Variants in KLHL5 observed in about 807,000 individuals in gnomAD.
KLHL5 encodes kelch-like protein 5.
A neutral mutation model predicts 77.7 loss-of-function variants in KLHL5; 48 were observed. That is an observed-to-expected ratio of 0.62 (90% confidence interval 0.49 to 0.79). The LOEUF is 0.79. Ranked by LOEUF, KLHL5 falls within the 30% of genes least tolerant of loss-of-function variation. The pLI is 0.00. For missense variants in KLHL5, 723 were observed against 859.7 expected (o/e 0.84, Z 1.99); for synonymous variants, 260 against 297.0 (o/e 0.88, Z 1.28).
At chr4:39,118,326 T>A (rs1388732400) in intron 10 of KLHL5, among the ~76,000 whole-genome samples, 1 of 134,390 alleles carries the variant, frequency 7.4e-6, no homozygotes. Context: ...GAGTTAGAAT[T>A]AGAGCCAAGG....
downstream of KLHL5, among the ~76,000 whole-genome samples, chr4:39,131,020 T>TTC (rs1398000293): frequency 1.5e-3 from 216 of 146,400 alleles, no homozygotes; most frequent in African/African-American, 5.2e-3. Flanking sequence ...TTTTTGTATT[T>TTC]TTTTTTTTTT....
chr4:39,123,082 A>G lies in KLHL5; in HGVS notation c.*2016A>G, dbSNP rs1560447191. Among the ~76,000 whole-genome samples the G allele has an allele frequency of 6.6e-6, 1 of 152,218 alleles. No homozygotes were observed. Among genetic ancestry groups the G allele is most frequent in the Non-Finnish European group, 1.5e-5 (1 of 68,046 alleles). The stretch of plus-strand genomic sequence containing the variant: ...ATGGTATTTTAGGCAACTTAACTAT[A>G]AACAAATTTATTCATAGAAGCATTG... On this transcript the variant is annotated 3_prime_UTR_variant, in exon 11 of 11. Transcript: ENST00000504108.
At chr4:39,130,555 C>G (rs1482230530), downstream of KLHL5, among the ~76,000 whole-genome samples, 1 of 152,090 alleles carries the variant, frequency 6.6e-6, no homozygotes, top group Non-Finnish European at 1.5e-5. Context: ...CCCAACAACT[C>G]AAAGAATTTT....
At chr4:39,061,099 G>A (rs1389855676), upstream of KLHL5, among the ~76,000 whole-genome samples, 2 of 152,050 alleles carry the variant, frequency 1.3e-5, no homozygotes, top group African/African-American at 4.8e-5. Context: ...TAATGAAACT[G>A]GCCCATACCA....
Position 39,115,169 on chromosome 4 carries a change from A to G in KLHL5, c.1912A>G (p.Lys638Glu). Reference protein sequence around the residue: ...LSDCVERYDPKTDMWTAVASM... With the variant: ...LSDCVERYDPETDMWTAVASM... ...AAAATTTTCTTACAGATATGATCCC[A>G]AAACAGACATGTGGACTGCAGTAGC... Residue 638 changes from lysine (K) to glutamate (E), a missense_variant, in exon 10 of 11, where the codon AAA (lysine) becomes GAA (glutamate). Coordinates refer to ENST00000504108, the MANE Select transcript of KLHL5 (RefSeq NM_015990.5). The G allele has an allele frequency of 6.2e-7, 1 of 1,605,436 alleles. No individual in the cohort carries two copies. Among genetic ancestry groups the G allele is most frequent in the Middle Eastern group, 1.7e-4 (1 of 6,038 alleles).
At chr4:39,078,487 G>T (rs1460857741) in intron 2 of KLHL5, among the ~76,000 whole-genome samples, 1 of 151,948 alleles carries the variant, frequency 6.6e-6, no homozygotes, top group Admixed American at 6.6e-5. Context: ...TTGAGGCCAG[G>T]AGTTCCAGAC....
chr4:39,049,881 G>T (rs1412966702), intron 1 of KLHL5, among the ~76,000 whole-genome samples: 2 of 151,970 alleles, frequency 1.3e-5, no homozygotes, highest in Non-Finnish European at 2.9e-5. Context: ...AGACCAGCCT[G>T]GCCAACATGG....
chr4:39,112,155 A>C (rs1722492715), intron 8 of KLHL5, among the ~76,000 whole-genome samples: 1 of 152,236 alleles, frequency 6.6e-6, no homozygotes, highest in Non-Finnish European at 1.5e-5. Context: ...TTGTGTTCAA[A>C]TATTTAAAAT....
intron 10 of KLHL5, among the ~76,000 whole-genome samples, chr4:39,116,949 G>T (rs1392393419): frequency 6.6e-6 from 1 of 152,074 alleles, no homozygotes; most frequent in Non-Finnish European, 1.5e-5. Context: ...AGATTCCCCT[G>T]CCTCAGCCTC....
chr4:39,121,090 A>C lies in KLHL5; in HGVS notation c.*24A>C, dbSNP rs541463694. ...AATTTAGTGCCCCGTTTTCTACATG[A>C]AGACACCGTCTTCCTTTATTAATTT... On this transcript the variant is annotated 3_prime_UTR_variant, in exon 11 of 11. Coordinates refer to ENST00000504108, the MANE Select transcript of KLHL5 (RefSeq NM_015990.5). The C allele has an allele frequency of 1.1e-4, 168 of 1,515,922 alleles. 1 individual carries two copies. The South Asian group carries it at 1.8e-3, about 16-fold the overall frequency. The allele number at this position is 1,515,922 out of a possible 1,614,324, so 93.9% of individuals were successfully genotyped here.
upstream of KLHL5, chr4:39,062,129 A>C (rs1717471924): frequency 3.8e-6 from 2 of 520,578 alleles, no homozygotes; most frequent in Non-Finnish European, 5.0e-6. Flanking sequence ...GAAACATTTT[A>C]GTTTTAAAGT....
intron 2 of KLHL5, among the ~76,000 whole-genome samples, chr4:39,080,611 A>G (rs1719526192): frequency 6.6e-6 from 1 of 151,728 alleles, no homozygotes; most frequent in Non-Finnish European, 1.5e-5. Flanking sequence ...ATTATAAAAA[A>G]TATAGTTTTA....
At chr4:39,062,119 G>A (rs767113053), upstream of KLHL5, 76 of 471,840 alleles carry the variant, frequency 1.6e-4, no homozygotes, top group Non-Finnish European at 2.1e-4. Flanking sequence ...TTTAGAAATA[G>A]AAACATTTTA....
At chr4:39,078,048 C>A (rs988338818) in intron 2 of KLHL5, among the ~76,000 whole-genome samples, 20 of 152,144 alleles carry the variant, frequency 1.3e-4, no homozygotes, top group Non-Finnish European at 1.5e-4. Context: ...ATCATATGTT[C>A]TCTCTCATAA....
At chr4:39,071,811 T>C (rs1718503414) in intron 1 of KLHL5, among the ~76,000 whole-genome samples, 2 of 152,198 alleles carry the variant, frequency 1.3e-5, no homozygotes, top group African/African-American at 2.4e-5. Context: ...AAGCTACAAA[T>C]TAAATGTTTC....
rs190859816 is a variant in KLHL5 at position 39,099,952 on chromosome 4, A to T, written c.1300+3074A>T. Among the ~76,000 whole-genome samples the T allele has an allele frequency of 1.0e-3, 157 of 152,318 alleles. 1 individual carries two copies. The highest frequency in any genetic ancestry group is 3.7e-3 in the African/African-American group (153 of 41,574). On this transcript the variant is annotated intron_variant, in intron 6 of 10. Transcript: ENST00000504108. ...ACCTGGAACTGGTGCTAGCTTTTGT[A>T]GTCATTACTAGCACTCTTCTTCTCC...
rs559187645 is a variant in KLHL5, at chr4:39,121,059, A to G, written c.2123A>G (p.Lys708Arg). The G allele has an allele frequency of 6.2e-7, 1 of 1,612,236 alleles. No individual in the cohort carries two copies. The highest frequency in any genetic ancestry group is 1.7e-5 in the Admixed American group (1 of 60,022). ...GCTGGAGCTTGTGTTGTGACTGTAA[A>G]ATTATAATTTAGTGCCCCGTTTTCT... is the stretch of plus-strand genomic sequence containing the variant. ...GRAGACVVTV[K>R]L is the part of the protein sequence containing the mutation. Residue 708 changes from lysine to arginine, a missense_variant, in exon 11 of 11, where the codon AAA becomes AGA. Lys to Arg is a conservative substitution (Grantham distance 26). Transcript: ENST00000504108.
chr4:39,070,229 G>T (rs1718345436), intron 1 of KLHL5, among the ~76,000 whole-genome samples: 1 of 152,078 alleles, frequency 6.6e-6, no homozygotes, highest in South Asian at 2.1e-4. Flanking sequence ...ACCATTCCCT[G>T]TAGACTAAGG....
intron 7 of KLHL5, among the ~76,000 whole-genome samples, chr4:39,107,082 C>G (rs1421191893): frequency 2.1e-5 from 3 of 145,628 alleles, no homozygotes; most frequent in South Asian, 2.1e-4. Context: ...GAGTCTCACT[C>G]TGTTGCCCAG....
Sources: gnomAD v4.1 joint callset for allele counts (sites outside exome capture counted in the v4.1 genomes callset) on GRCh38, gnomAD v4.1.1 for gene constraint, MANE v1.5 for transcripts, NCBI Gene and HGNC (gene_info 2026-07-23, HGNC 2026-07-21) for gene names.